Variants in MPP4 observed in about 807,000 individuals in gnomAD.
MPP4 encodes the protein MAGUK p55 scaffold protein 4, also known as MAGUK p55 subfamily member 4.
In MPP4, 91 loss-of-function variants were observed where a neutral mutation model predicts 98.3. That is an observed-to-expected ratio of 0.93 (90% CI 0.78 to 1.10). MPP4 has a LOEUF of 1.10. Among genes scored for constraint, MPP4 ranks in the 50% least tolerant of loss-of-function variants. MPP4 has a pLI of 0.00. For synonymous variants in MPP4, 261 were observed against 271.8 expected (o/e 0.96, Z 0.39); for missense variants, 744 against 792.9 (o/e 0.94, Z 0.74).
intron 18 of MPP4, among the ~76,000 whole-genome samples, chr2:201,653,744 C>G (rs116069411): frequency 0.011 from 1,613 of 151,604 alleles, 28 homozygotes; most frequent in African/African-American, 0.036. Flanking sequence ...TTTTTTTGAA[C>G]GATGAATCTC....
chr2:201,685,991 T>A lies in MPP4; in HGVS notation c.420A>T (p.Pro140=). 1 of 1,612,952 alleles carries A rather than the reference T, an allele frequency of 6.2e-7. No individual in the cohort carries two copies. The highest frequency in any genetic ancestry group is 8.5e-7 in the Non-Finnish European group (1 of 1,179,080). ...AQKDFEPLLP[P]LPDNIPESEE... Reference sequence around the variant, plus strand: ...CACTCTCAGGGATATTGTCTGGCAGTGGAGGGAGAAGGGGTTCAAAATCTT... The same window carrying A: ...CACTCTCAGGGATATTGTCTGGCAGAGGAGGGAGAAGGGGTTCAAAATCTT... The change falls in exon 6 of 22, where the codon CCA becomes CCT. Residue 140 remains proline, a synonymous_variant. Transcript: ENST00000409474.
chr2:201,669,707 GT>G (rs746008340), intron 12 of MPP4, 25 bp downstream of exon 12: 3 of 1,405,108 alleles, frequency 2.1e-6, no homozygotes, highest in Non-Finnish European at 2.8e-6. Context: ...GGAGATAAGA[GT>G]TTTTTCCTAA....
intron 7 of MPP4, among the ~76,000 whole-genome samples, chr2:201,683,240 C>T (rs1312959046): frequency 6.6e-6 from 1 of 151,990 alleles, no homozygotes; most frequent in African/African-American, 2.4e-5. Context: ...GGTCATAAGT[C>T]AACAACAAAA....
At chr2:201,698,206 T>C in intron 1 of MPP4, 1 of 531,426 alleles carries the variant, frequency 1.9e-6, no homozygotes, top group Non-Finnish European at 2.5e-6. Context: ...CTACCCTTAC[T>C]ATGCTTGTTT....
intron 3 of MPP4, among the ~76,000 whole-genome samples, chr2:201,691,719 A>G (rs1405426985): frequency 3.9e-5 from 6 of 152,064 alleles, no homozygotes; most frequent in African/African-American, 1.2e-4. Context: ...GGGTTTTGCC[A>G]TGTTGGCCAG....
chr2:201,690,729 G>T (rs1340227073), intron 3 of MPP4, among the ~76,000 whole-genome samples: 1 of 152,124 alleles, frequency 6.6e-6, no homozygotes, highest in Non-Finnish European at 1.5e-5. Context: ...GCCACTGAAG[G>T]TTCTGAATAA....
In MPP4 at chr2:201,666,333, C is replaced by G. The variant is rs766050869; in HGVS notation, c.1051+1G>C. 1 of 1,555,642 alleles carries G rather than the reference C, an allele frequency of 6.4e-7. No homozygotes were observed. Among genetic ancestry groups the G allele is most frequent in the South Asian group, 1.2e-5 (1 of 82,830 alleles). On this transcript the variant is annotated splice_donor_variant, in intron 13 of 21. Coordinates refer to ENST00000409474, the MANE Select transcript of MPP4 (RefSeq NM_033066.3). LOFTEE classifies it high-confidence loss of function. The stretch of plus-strand genomic sequence containing the variant: ...GCAAAGCAATCAAGAGAAAATGTTA[C>G]CTGCTTCCACACATTTCTCATCAAT...
chr2:201,653,086 C>T (rs1031843286), intron 18 of MPP4, among the ~76,000 whole-genome samples: 3 of 152,268 alleles, frequency 2.0e-5, no homozygotes, highest in Admixed American at 1.3e-4. Flanking sequence ...TCTCCTCAGG[C>T]TTCCTCCTGG....
intron 4 of MPP4, among the ~76,000 whole-genome samples, chr2:201,688,894 G>A (rs1362267044): frequency 1.3e-5 from 2 of 152,126 alleles, no homozygotes; most frequent in African/African-American, 4.8e-5. Context: ...TGGGATTATA[G>A]CCATGAGCTA....
rs1316069649 is a variant in MPP4, at chr2:201,681,002, G to C, written c.765C>G (p.Pro255=). The change falls in exon 10 of 22, where the codon CCC becomes CCG. Residue 255 remains proline (P), a synonymous_variant. Transcript: ENST00000409474. ...TGCAGGGGATGTCGGGATCCTCCTG[G>C]GGCCAGTACTCAGTCATGGCACGGA... The part of the protein sequence containing the change: ...VYVRAMTEYW[P]QEDPDIPCMD... The C allele has an allele frequency of 2.5e-6, 4 of 1,613,814 alleles. No individual in the cohort carries two copies. Among genetic ancestry groups the C allele is most frequent in the Non-Finnish European group, 3.4e-6 (4 of 1,179,834 alleles).
In MPP4 at chr2:201,656,267, CA is replaced by C; in HGVS notation, c.1230del (p.Ala411ProfsTer7). 6.3e-7 allele frequency: 1 copy of C among 1,596,600 alleles called. No homozygotes were observed. Among genetic ancestry groups the C allele is most frequent in the Non-Finnish European group, 8.5e-7 (1 of 1,171,514 alleles). ...CCTGSCYSAV[G>X]APYEEVVRYQ... The stretch of plus-strand genomic sequence containing the variant: ...TACCTCACCACCTCCTCGTAAGGGG[CA>C]CCCACTGCACTGTAGCAGCTGCCGG... On this transcript the variant is annotated frameshift_variant, in exon 17 of 22. Coordinates refer to ENST00000409474, the MANE Select transcript of MPP4 (RefSeq NM_033066.3). LOFTEE classifies it high-confidence loss of function.
At chr2:201,689,398 G>C (rs763458335) in intron 4 of MPP4, among the ~76,000 whole-genome samples, 3 of 152,186 alleles carry the variant, frequency 2.0e-5, no homozygotes, top group Non-Finnish European at 4.4e-5. Context: ...AAGGGTTTGA[G>C]TGTTAGTGAG....
intron 11 of MPP4, chr2:201,673,577 G>GAAA: frequency 2.1e-5 from 4 of 187,434 alleles, no homozygotes; most frequent in Non-Finnish European, 4.4e-5. Flanking sequence ...AATTAAAAAA[G>GAAA]AAAAAAAAAG....
intron 1 of MPP4, among the ~76,000 whole-genome samples, chr2:201,696,846 C>A (rs1169900328): frequency 2.0e-5 from 3 of 152,148 alleles, no homozygotes; most frequent in Non-Finnish European, 2.9e-5. Context: ...GAGGCAAAAA[C>A]AATAATTACA....
chr2:201,684,112 C>T (rs188414976), intron 7 of MPP4, among the ~76,000 whole-genome samples: 3 of 150,946 alleles, frequency 2.0e-5, no homozygotes, highest in Admixed American at 6.6e-5. Context: ...CCCAGCTACT[C>T]GGGGGCTGAG....
intron 15 of MPP4, 34 bp downstream of exon 15, chr2:201,660,298 C>G (rs749859786): frequency 7.6e-5 from 119 of 1,574,490 alleles, no homozygotes; most frequent in Non-Finnish European, 9.8e-5. Context: ...AAACATAGTT[C>G]TATTTGGTAT....
chr2:201,662,250 T>C (rs561208312), intron 14 of MPP4, among the ~76,000 whole-genome samples: 1 of 149,780 alleles, frequency 6.7e-6, no homozygotes, highest in Non-Finnish European at 1.5e-5. Context: ...TATATATATA[T>C]TTTAAAAGTA....
intron 15 of MPP4, among the ~76,000 whole-genome samples, chr2:201,659,329 A>G (rs1379489143): frequency 6.6e-6 from 1 of 152,148 alleles, no homozygotes; most frequent in Non-Finnish European, 1.5e-5. Context: ...GTGGCTGCCA[A>G]ATGTTTCTGA....
Position 201,645,606 on chromosome 2 carries a change from A to AT in MPP4, c.1720-203dup, listed in dbSNP as rs1368437652. 2.0e-5 allele frequency among the ~76,000 whole-genome samples: 3 copies of AT among 152,088 alleles called. No individual in the cohort carries two copies. In the East Asian group the frequency reaches 5.8e-4, roughly 29 times the overall value. On this transcript the variant is annotated intron_variant, in intron 21 of 21. Coordinates refer to ENST00000409474, the MANE Select transcript of MPP4 (RefSeq NM_033066.3). ...AAAACCAGCAAACTAGAAAATAGTA[A>AT]TTTTTTTGCCCTCTGTTATTGAAAT...
Sources: gnomAD v4.1 joint callset for allele counts (sites outside exome capture counted in the v4.1 genomes callset) on GRCh38, gnomAD v4.1.1 for gene constraint, MANE v1.5 for transcripts, NCBI Gene and HGNC (gene_info 2026-07-23, HGNC 2026-07-21) for gene names.